The following TBL1XR1 variants were observed in gnomAD, a reference collection of about 807,000 sequenced individuals.
TBL1XR1 encodes the protein TBL1X/Y related 1.
Under a neutral mutation model 66.9 loss-of-function variants are expected in TBL1XR1, and 5 were observed. That is an observed-to-expected ratio of 0.07 (90% CI 0.04 to 0.16). TBL1XR1 has a LOEUF of 0.16. Ranked by LOEUF, TBL1XR1 falls within the 10% of genes least tolerant of loss-of-function variation. The pLI, the probability that TBL1XR1 is intolerant of heterozygous loss-of-function variation, is 1.00. For missense variants in TBL1XR1, 238 were observed against 623.2 expected (o/e 0.38, Z 6.58); for synonymous variants, 210 against 206.0 (o/e 1.02, Z -0.17).
intron 1 of TBL1XR1, among the ~76,000 whole-genome samples, chr3:177,180,723 T>C (rs1282380767): frequency 6.6e-6 from 1 of 151,522 alleles, no homozygotes; most frequent in African/African-American, 2.4e-5. Flanking sequence ...AATACCAAGA[T>C]CTCAGATTAC....
At chr3:177,195,814 CTG>C (rs1736777505) in intron 1 of TBL1XR1, 2 of 152,164 alleles carry the variant, frequency 1.3e-5, no homozygotes, top group African/African-American at 4.8e-5. Context: ...CATACGGTTC[CTG>C]TTTGGAAAAC....
At chr3:177,128,262 A>G (rs927320395) in intron 1 of TBL1XR1, among the ~76,000 whole-genome samples, 1 of 152,200 alleles carries the variant, frequency 6.6e-6, no homozygotes, top group African/African-American at 2.4e-5. Context: ...AGTACACTGT[A>G]ATTTAAAACA....
At chr3:177,055,898 C>T (rs1413055414) in intron 3 of TBL1XR1, among the ~76,000 whole-genome samples, 1 of 152,148 alleles carries the variant, frequency 6.6e-6, no homozygotes, top group Non-Finnish European at 1.5e-5. Context: ...ACTGTGTACA[C>T]ACATATAATT....
At chr3:177,187,941 T>C (rs1391993345) in intron 1 of TBL1XR1, among the ~76,000 whole-genome samples, 2 of 143,714 alleles carry the variant, frequency 1.4e-5, no homozygotes, top group Non-Finnish European at 3.0e-5. Context: ...GAGTACAATT[T>C]CCTTTTTTTT....
chr3:177,075,170 C>T (rs760845935), intron 2 of TBL1XR1, among the ~76,000 whole-genome samples: 1 of 152,224 alleles, frequency 6.6e-6, no homozygotes, highest in Non-Finnish European at 1.5e-5. Flanking sequence ...AAAAGAGAGT[C>T]GTTCTATCCA....
chr3:177,070,478 T>G (rs1719828856), intron 2 of TBL1XR1, among the ~76,000 whole-genome samples: 1 of 152,326 alleles, frequency 6.6e-6, no homozygotes, highest in African/African-American at 2.4e-5. Context: ...ATATTTTCAA[T>G]AACTAAGCAG....
intron 4 of TBL1XR1, among the ~76,000 whole-genome samples, chr3:177,051,999 T>C (rs903481147): frequency 6.6e-6 from 1 of 152,200 alleles, no homozygotes; most frequent in Non-Finnish European, 1.5e-5. Context: ...TAATAAGATG[T>C]AGGCCGAGCT....
At chr3:177,076,064 G>C (rs1289316539) in intron 2 of TBL1XR1, among the ~76,000 whole-genome samples, 10 of 152,216 alleles carry the variant, frequency 6.6e-5, no homozygotes, top group Admixed American at 5.9e-4. Flanking sequence ...GGTGCCAGCA[G>C]ATACAGTGCC....
chr3:177,135,860 T>A (rs938873377), intron 1 of TBL1XR1, among the ~76,000 whole-genome samples: 3 of 151,622 alleles, frequency 2.0e-5, no homozygotes, highest in African/African-American at 7.3e-5. Flanking sequence ...ACCATGTAAA[T>A]AAAAAGCACT....
chr3:177,175,057 CCTT>C (rs1223939970), intron 1 of TBL1XR1, among the ~76,000 whole-genome samples: 4 of 152,142 alleles, frequency 2.6e-5, no homozygotes, highest in Admixed American at 2.0e-4. Context: ...CTGACACCTG[CCTT>C]CTTCTCATGT....
chr3:177,098,490 A>G lies in TBL1XR1; in HGVS notation c.-70T>C. 2 of 985,854 alleles carry G rather than the reference A, an allele frequency of 2.0e-6. No homozygotes were observed. The highest frequency in any genetic ancestry group is 2.4e-6 in the Non-Finnish European group (2 of 829,926). The allele number at this position is 985,854 out of a possible 1,614,324, so 61.1% of individuals were successfully genotyped here. A position where few individuals can be genotyped will look rare whatever the true frequency, so the allele number is the denominator to read the frequency against. On this transcript the variant is annotated 5_prime_UTR_variant, in exon 2 of 16. Coordinates refer to ENST00000457928, the MANE Select transcript of TBL1XR1 (RefSeq NM_024665.7). ...CCATTGGCAGTGCATTGATGTGGGG[A>G]TGTGCAACTGAATATCCGGTCACCG...
intron 1 of TBL1XR1, among the ~76,000 whole-genome samples, chr3:177,123,552 GAA>G (rs1167475278): frequency 6.6e-6 from 1 of 150,460 alleles, no homozygotes; most frequent in South Asian, 2.1e-4. Flanking sequence ...TCACTTCAAA[GAA>G]AAAAGATACC....
In TBL1XR1 at chr3:177,022,488, A is replaced by C. The variant is rs1712511751; in HGVS notation, c.*3010T>G. ...CTTATGGGATTTCCTACACGGAGAC[A>C]AAAAAAGATATTCCTTTATGTTGTT... On this transcript the variant is annotated 3_prime_UTR_variant, in exon 16 of 16. Transcript: ENST00000457928. 6.6e-6 allele frequency: 1 copy of C among 152,560 alleles called. No homozygotes were observed. Among genetic ancestry groups the C allele is most frequent in the Non-Finnish European group, 1.5e-5 (1 of 67,974 alleles). The allele number at this position is 152,560 out of a possible 1,614,324, so 9.5% of individuals were successfully genotyped here. A position where few individuals can be genotyped will look rare whatever the true frequency, so the allele number is the denominator to read the frequency against.
At chr3:177,122,352 C>T (rs998261440) in intron 1 of TBL1XR1, among the ~76,000 whole-genome samples, 1 of 150,270 alleles carries the variant, frequency 6.7e-6, no homozygotes, top group Non-Finnish European at 1.5e-5. Flanking sequence ...AAGAATGTCA[C>T]GCCTGATTGG....
intron 1 of TBL1XR1, among the ~76,000 whole-genome samples, chr3:177,135,518 G>C (rs1390017073): frequency 6.6e-6 from 1 of 150,562 alleles, no homozygotes; most frequent in Admixed American, 6.6e-5. Context: ...CGAGTAGCTG[G>C]GACTACAGGC....
upstream of TBL1XR1, among the ~76,000 whole-genome samples, chr3:177,201,162 C>T (rs1737332123): frequency 6.6e-6 from 1 of 151,030 alleles, no homozygotes; most frequent in Non-Finnish European, 1.5e-5. Flanking sequence ...CCTGTAATCC[C>T]AGCACTTTGG....
intron 2 of TBL1XR1, among the ~76,000 whole-genome samples, chr3:177,089,227 C>A (rs1722527718): frequency 6.6e-6 from 1 of 152,150 alleles, no homozygotes; most frequent in Admixed American, 6.5e-5. Context: ...GAATATTCAT[C>A]AATGCAGAAG....
chr3:177,078,366 A>C (rs1295963853), intron 2 of TBL1XR1, among the ~76,000 whole-genome samples: 1 of 151,668 alleles, frequency 6.6e-6, no homozygotes, highest in Non-Finnish European at 1.5e-5. Flanking sequence ...CAGAGGCGGG[A>C]GGATCACTTG....
chr3:177,152,443 C>T (rs577852346), intron 1 of TBL1XR1, among the ~76,000 whole-genome samples: 4 of 152,106 alleles, frequency 2.6e-5, no homozygotes, highest in East Asian at 3.9e-4. Flanking sequence ...CCCACCACCA[C>T]GCCCGGCTAA....
Sources: gnomAD v4.1 joint callset for allele counts (sites outside exome capture counted in the v4.1 genomes callset) on GRCh38, gnomAD v4.1.1 for gene constraint, MANE v1.5 for transcripts, NCBI Gene and HGNC (gene_info 2026-07-23, HGNC 2026-07-21) for gene names.